Variants in NNT observed in about 807,000 individuals in gnomAD.
The protein encoded by NNT is nicotinamide nucleotide transhydrogenase, also known as NAD(P) transhydrogenase, mitochondrial.
NNT carries 50 observed loss-of-function variants against 104.8 expected under a neutral mutation model. That is an observed-to-expected ratio of 0.48 (90% CI 0.38 to 0.60). The LOEUF is 0.60. NNT is among the 20% of genes least tolerant of loss of function. NNT has a pLI of 0.00. For synonymous variants in NNT, 461 were observed against 490.4 expected (o/e 0.94, Z 0.79); for missense variants, 1,131 against 1,330.7 (o/e 0.85, Z 2.33).
intron 4 of NNT, 112 bp from the exon 5 acceptor site, chr5:43,618,920 A>G: frequency 1.9e-6 from 1 of 529,742 alleles, no homozygotes; most frequent in Non-Finnish European, 3.0e-6. Flanking sequence ...TACTACATAA[A>G]TATTAGCTAT....
intron 15 of NNT, 52 bp downstream of exon 15, chr5:43,656,125 A>T: frequency 6.9e-7 from 1 of 1,452,482 alleles, no homozygotes; most frequent in Non-Finnish European, 9.6e-7. Context: ...TAGGGCATTT[A>T]GGGATCCATT....
intron 17 of NNT, among the ~76,000 whole-genome samples, chr5:43,665,108 A>G (rs1214395319): frequency 6.6e-6 from 1 of 152,116 alleles, no homozygotes; most frequent in Non-Finnish European, 1.5e-5. Context: ...CTGTCCCTCT[A>G]CATCTGTACA....
At chr5:43,668,676 A>G (rs1199327507) in intron 17 of NNT, among the ~76,000 whole-genome samples, 1 of 152,154 alleles carries the variant, frequency 6.6e-6, no homozygotes, top group Non-Finnish European at 1.5e-5. Flanking sequence ...TGTTTTGGTT[A>G]CTGTAGCCTT....
chr5:43,687,666 A>AGTGTAAT (rs1265726960), intron 19 of NNT, among the ~76,000 whole-genome samples: 6 of 152,208 alleles, frequency 3.9e-5, no homozygotes, highest in Non-Finnish European at 8.8e-5. Flanking sequence ...CATAAAGTTT[A>AGTGTAAT]GTGTAATAAA....
intron 6 of NNT, among the ~76,000 whole-genome samples, chr5:43,625,342 TATA>T (rs1369490859): frequency 6.6e-6 from 1 of 152,174 alleles, no homozygotes; most frequent in African/African-American, 2.4e-5. Context: ...GGCTGTTGCT[TATA>T]TTAGAAAAAT....
At chr5:43,640,548 ATTT>A (rs1751174869) in intron 7 of NNT, among the ~76,000 whole-genome samples, 1 of 152,110 alleles carries the variant, frequency 6.6e-6, no homozygotes, top group Admixed American at 6.6e-5. Context: ...GGAGTACTTT[ATTT>A]TATCTTTAAA....
At chr5:43,637,768 C>T (rs1043548700) in intron 7 of NNT, among the ~76,000 whole-genome samples, 1 of 152,118 alleles carries the variant, frequency 6.6e-6, no homozygotes, top group Non-Finnish European at 1.5e-5. Context: ...AGCACATTTT[C>T]CCTCATTTAT....
chr5:43,659,004 T>C (rs1740208018), intron 16 of NNT, among the ~76,000 whole-genome samples, 167 bp from the exon 17 acceptor site: 1 of 152,160 alleles, frequency 6.6e-6, no homozygotes. Context: ...ATAGTTGTTA[T>C]ACCTGTGGAA....
At chr5:43,677,278 T>C (rs1741464092) in intron 18 of NNT, among the ~76,000 whole-genome samples, 1 of 151,990 alleles carries the variant, frequency 6.6e-6, no homozygotes, top group African/African-American at 2.4e-5. Context: ...GAAACTTATA[T>C]AAGCGGAGAA....
At chr5:43,625,428 A>G (rs1428660726) in intron 6 of NNT, among the ~76,000 whole-genome samples, 2 of 152,140 alleles carry the variant, frequency 1.3e-5, no homozygotes, top group African/African-American at 4.8e-5. Context: ...ATGAAGAAAG[A>G]TGTGGCTGAA....
chr5:43,620,465 C>T (rs556131766), intron 5 of NNT, among the ~76,000 whole-genome samples: 111 of 152,162 alleles, frequency 7.3e-4, no homozygotes, highest in African/African-American at 2.5e-3. Flanking sequence ...TGTGATCCGC[C>T]CGCCTTGGCC....
At chr5:43,651,946 C>G (rs1739790851) in intron 13 of NNT, 62 bp downstream of exon 13, 1 of 1,518,970 alleles carries the variant, frequency 6.6e-7, no homozygotes, top group African/African-American at 1.4e-5. Context: ...TTAGATTTAA[C>G]ATTGTTAGTT....
intron 18 of NNT, among the ~76,000 whole-genome samples, chr5:43,677,444 G>A (rs1035875665): frequency 1.3e-5 from 2 of 151,862 alleles, no homozygotes; most frequent in South Asian, 4.2e-4. Context: ...CAGAGAAAGA[G>A]ACAAGAGAGG....
Position 43,621,475 on chromosome 5 carries a change from A to G in NNT, c.687+2356A>G, listed in dbSNP as rs527388405. On this transcript the variant is annotated intron_variant, in intron 5 of 21. Transcript: ENST00000344920. ...AACAAGACAAAATTCCTGCTGCATA[A>G]AACTTACACTCCAGTGGGGGTCATA... 3.9e-5 allele frequency among the ~76,000 whole-genome samples: 6 copies of G among 152,330 alleles called. No homozygotes were observed. In the South Asian group the frequency reaches 1.2e-3, roughly 32 times the overall value.
chr5:43,678,553 A>G (rs1005897147), intron 19 of NNT, among the ~76,000 whole-genome samples: 2 of 152,222 alleles, frequency 1.3e-5, no homozygotes, highest in Non-Finnish European at 2.9e-5. Context: ...ATTTGAGGAA[A>G]GAGGTCAAGC....
chr5:43,697,979 A>G (rs4866754), intron 19 of NNT, among the ~76,000 whole-genome samples: 11 of 152,128 alleles, frequency 7.2e-5, no homozygotes, highest in African/African-American at 1.7e-4. Context: ...AGGATAGCTG[A>G]CAGGAATCTG....
At chr5:43,680,407 A>C (rs574945478) in intron 19 of NNT, among the ~76,000 whole-genome samples, 2 of 152,198 alleles carry the variant, frequency 1.3e-5, no homozygotes, top group Non-Finnish European at 2.9e-5. Flanking sequence ...TGGAGCTCCC[A>C]CGGTGTTCAT....
Position 43,644,529 on chromosome 5 carries a change from A to G in NNT, c.1099-82A>G, listed in dbSNP as rs1751398656. 1.5e-5 allele frequency: 19 copies of G among 1,273,416 alleles called. 1 individual carries two copies. In the South Asian group the frequency reaches 2.8e-4, roughly 19 times the overall value. The allele number at this position is 1,273,416 out of a possible 1,614,324, so 78.9% of individuals were successfully genotyped here. A position where few individuals can be genotyped will look rare whatever the true frequency, so the allele number is the denominator to read the frequency against. On this transcript the variant is annotated intron_variant, in intron 8 of 21. Coordinates refer to ENST00000344920, the MANE Select transcript of NNT (RefSeq NM_182977.3). The stretch of plus-strand genomic sequence containing the variant: ...AAGATATATAATTACAAAACTTAGC[A>G]TTGAATATGAATGATAATTGTTCTA...
intron 19 of NNT, among the ~76,000 whole-genome samples, chr5:43,687,868 G>C (rs920048454): frequency 3.9e-5 from 6 of 152,108 alleles, no homozygotes; most frequent in African/African-American, 1.4e-4. Flanking sequence ...TTTGGTCCAA[G>C]ATACCTCAGT....
Sources: allele counts gnomAD v4.1 joint callset (sites outside exome capture counted in the v4.1 genomes callset), GRCh38; gene constraint gnomAD v4.1.1; transcripts MANE v1.5; gene names NCBI Gene and HGNC (gene_info 2026-07-23, HGNC 2026-07-21).